The following CHST11 variants were observed in gnomAD, a reference collection of about 807,000 sequenced individuals.
CHST11 encodes carbohydrate sulfotransferase 11, also known as C4S-1.
A neutral mutation model predicts 30.4 loss-of-function variants in CHST11; 9 were observed. The ratio of observed to expected loss-of-function variants is 0.30; its 90% confidence interval spans 0.18 to 0.52. The LOEUF (loss-of-function observed/expected upper bound fraction) is 0.52, where lower values mean the gene tolerates loss of function less well. Ranked by LOEUF, CHST11 falls within the 20% of genes least tolerant of loss-of-function variation. The probability of loss-of-function intolerance (pLI) is 0.97; values close to 1 mark genes in which losing one functional copy is unlikely to be tolerated. For synonymous variants in CHST11, 152 were observed against 187.8 expected, an observed-to-expected ratio of 0.81 and a Z score of 1.56; for missense variants, 348 against 460.6, an observed-to-expected ratio of 0.76 and a Z score of 2.24.
chr12:104,718,850 A>G (rs984987779), intron 2 of CHST11, among the ~76,000 whole-genome samples: 2 of 152,192 alleles, frequency 1.3e-5, no homozygotes, highest in Non-Finnish European at 2.9e-5. Context: ...CACAGTCCTC[A>G]TTACTGCCCA....
intron 2 of CHST11, among the ~76,000 whole-genome samples, chr12:104,717,626 G>A (rs2040141222): frequency 6.6e-6 from 1 of 152,128 alleles, no homozygotes; most frequent in Non-Finnish European, 1.5e-5. Flanking sequence ...ACAAAAATTA[G>A]ATGGTGTGGT....
chr12:104,628,623 C>T (rs2039242387), intron 2 of CHST11, among the ~76,000 whole-genome samples: 1 of 152,170 alleles, frequency 6.6e-6, no homozygotes, highest in African/African-American at 2.4e-5. Context: ...TGGCCCCTCC[C>T]TCCCTCTTCA....
intron 2 of CHST11, among the ~76,000 whole-genome samples, chr12:104,746,693 A>G (rs932014863): frequency 6.6e-6 from 1 of 152,184 alleles, no homozygotes; most frequent in Non-Finnish European, 1.5e-5. Context: ...CAGAGAAACC[A>G]ATTTCCCTGA....
intron 1 of CHST11, among the ~76,000 whole-genome samples, chr12:104,532,079 C>A (rs1459765049): frequency 2.6e-5 from 4 of 152,216 alleles, no homozygotes; most frequent in Non-Finnish European, 2.9e-5. Flanking sequence ...GTGTTGGTCT[C>A]ATCTCTGTCT....
At chr12:104,559,115 G>T (rs986173559) in intron 1 of CHST11, among the ~76,000 whole-genome samples, 2 of 151,744 alleles carry the variant, frequency 1.3e-5, no homozygotes, top group African/African-American at 4.8e-5. Flanking sequence ...GAACAGGGAC[G>T]GTGTTGTCTT....
intron 2 of CHST11, among the ~76,000 whole-genome samples, chr12:104,671,731 T>G (rs1267269491): frequency 6.6e-6 from 1 of 151,878 alleles, no homozygotes; most frequent in Non-Finnish European, 1.5e-5. Flanking sequence ...TTACCCAATC[T>G]CTATCTTTCT....
chr12:104,543,137 G>C (rs1051016340), intron 1 of CHST11, among the ~76,000 whole-genome samples: 1 of 152,194 alleles, frequency 6.6e-6, no homozygotes, highest in East Asian at 1.9e-4. Flanking sequence ...AAGGGGAGCC[G>C]GGGTGTCACA....
chr12:104,543,190 G>T (rs1318519792), intron 1 of CHST11, among the ~76,000 whole-genome samples: 1 of 152,096 alleles, frequency 6.6e-6, no homozygotes, highest in Admixed American at 6.6e-5. Context: ...AGGTGCCAGG[G>T]TCTTTTAAAC....
intron 1 of CHST11, among the ~76,000 whole-genome samples, chr12:104,566,657 T>C (rs2038569877): frequency 1.3e-5 from 2 of 152,208 alleles, no homozygotes; most frequent in African/African-American, 2.4e-5. Flanking sequence ...TTTGAACCCA[T>C]GAGTGTGGCC....
chr12:104,517,223 G>A (rs1471737410), intron 1 of CHST11, among the ~76,000 whole-genome samples: 3 of 152,158 alleles, frequency 2.0e-5, no homozygotes, highest in South Asian at 2.1e-4. Context: ...ATTGTCCAGC[G>A]AAATTAAAAC....
At position 104,537,939 on chromosome 12, in the gene CHST11, T is replaced by C. The variant is rs1046303624; in HGVS notation, c.119-63967T>C. On this transcript the variant is annotated intron_variant, in intron 1 of 2. Coordinates refer to ENST00000303694, the MANE Select transcript of CHST11 (RefSeq NM_018413.6). Reference sequence around the variant, plus strand: ...TTGAACTCGTGAGCTCAAGCGATCCTCCCACCTCAGCCTCCCACAGTGCCG... The same window carrying C: ...TTGAACTCGTGAGCTCAAGCGATCCCCCCACCTCAGCCTCCCACAGTGCCG... Among the ~76,000 whole-genome samples, 16 of 152,312 alleles carry C rather than the reference T, an allele frequency of 1.1e-4. No individual in the cohort carries two copies. The East Asian group carries it at 3.1e-3, about 29-fold the overall frequency.
chr12:104,500,755 G>A (rs182842785), intron 1 of CHST11, among the ~76,000 whole-genome samples: 1 of 152,218 alleles, frequency 6.6e-6, no homozygotes, highest in South Asian at 2.1e-4. Context: ...TTTGACCTGG[G>A]TTTGGTGTGG....
At chr12:104,696,105 G>A (rs1346671735) in intron 2 of CHST11, among the ~76,000 whole-genome samples, 6 of 152,050 alleles carry the variant, frequency 3.9e-5, no homozygotes, top group Non-Finnish European at 8.8e-5. Flanking sequence ...ATGTTAACTC[G>A]CCATCTGCAT....
intron 1 of CHST11, among the ~76,000 whole-genome samples, chr12:104,568,658 T>C (rs533265715): frequency 1.3e-5 from 2 of 152,206 alleles, no homozygotes; most frequent in African/African-American, 2.4e-5. Flanking sequence ...ATAATGTGGC[T>C]TGTATTTATC....
chr12:104,581,415 A>G (rs2038743056), intron 1 of CHST11, among the ~76,000 whole-genome samples: 1 of 152,206 alleles, frequency 6.6e-6, no homozygotes, highest in Non-Finnish European at 1.5e-5. Context: ...TTATGGGAGA[A>G]AGCTTGATAA....
At chr12:104,588,177 T>A (rs1481138208) in intron 1 of CHST11, among the ~76,000 whole-genome samples, 1 of 152,084 alleles carries the variant, frequency 6.6e-6, no homozygotes, top group Non-Finnish European at 1.5e-5. Flanking sequence ...CCGTACAGCA[T>A]CCCCGCAGTC....
intron 2 of CHST11, among the ~76,000 whole-genome samples, chr12:104,697,973 C>T (rs949713663): frequency 1.3e-5 from 2 of 152,226 alleles, no homozygotes; most frequent in African/African-American, 4.8e-5. Context: ...CCTCTTCTCC[C>T]ATCTGCTGTC....
At chr12:104,723,206 A>G (rs932026833) in intron 2 of CHST11, among the ~76,000 whole-genome samples, 7 of 152,288 alleles carry the variant, frequency 4.6e-5, no homozygotes, top group Middle Eastern at 3.4e-3. Flanking sequence ...CAAGGACTGT[A>G]TTTAATACTC....
At chr12:104,739,661 C>A (rs77416492) in intron 2 of CHST11, among the ~76,000 whole-genome samples, 4,837 of 152,320 alleles carry the variant, frequency 0.032, 293 homozygotes, top group African/African-American at 0.11. Flanking sequence ...AAACTTTTAA[C>A]TGTGAATATT....
Sources: gnomAD v4.1 joint callset for allele counts (sites outside exome capture counted in the v4.1 genomes callset) on GRCh38, gnomAD v4.1.1 for gene constraint, MANE v1.5 for transcripts, NCBI Gene and HGNC (gene_info 2026-07-23, HGNC 2026-07-21) for gene names.